The following BAZ2B variants were observed in gnomAD, a reference collection of about 807,000 sequenced individuals.
BAZ2B encodes bromodomain adjacent to zinc finger domain protein 2B.
In BAZ2B, 91 loss-of-function variants were observed where a neutral mutation model predicts 246.0. The observed-to-expected ratio is 0.37, with a 90% confidence interval of 0.31 to 0.44. The LOEUF is 0.44. BAZ2B is among the 20% of genes least tolerant of loss of function. BAZ2B has a pLI of 1.00. For missense variants in BAZ2B, 2,332 were observed against 2,533.7 expected (o/e 0.92, Z 1.71); for synonymous variants, 855 against 860.0 (o/e 0.99, Z 0.10).
At chr2:159,515,413 T>C (rs1559667333) in intron 2 of BAZ2B, among the ~76,000 whole-genome samples, 1 of 152,136 alleles carries the variant, frequency 6.6e-6, no homozygotes, top group Non-Finnish European at 1.5e-5. Flanking sequence ...AATATTATAT[T>C]AAAGATTGAG....
the BAZ2B span, among the ~76,000 whole-genome samples, chr2:159,686,031 G>A: frequency 6.6e-6 from 1 of 152,232 alleles, no homozygotes; most frequent in Admixed American, 6.5e-5. Context: ...GGAGGCTGAG[G>A]CAGGAGGATC....
At chr2:159,322,796 T>C (rs775542835) in intron 36 of BAZ2B, among the ~76,000 whole-genome samples, 3 of 152,194 alleles carry the variant, frequency 2.0e-5, no homozygotes, top group Non-Finnish European at 2.9e-5. Flanking sequence ...TGAGTTTTGG[T>C]TCCAACTCAT....
At chr2:159,316,714 AAAAG>A (rs1558909091), downstream of BAZ2B, among the ~76,000 whole-genome samples, 1 of 149,682 alleles carries the variant, frequency 6.7e-6, no homozygotes, top group Non-Finnish European at 1.5e-5. Flanking sequence ...AAAAAAAAAA[AAAAG>A]AAAGAAAAGA....
chr2:159,622,807 T>C, the BAZ2B span, among the ~76,000 whole-genome samples: 1 of 151,846 alleles, frequency 6.6e-6, no homozygotes, highest in African/African-American at 2.4e-5. Context: ...AAGACCAGCC[T>C]AGGCAACATG....
intron 13 of BAZ2B, among the ~76,000 whole-genome samples, chr2:159,422,667 G>T (rs1283150130): frequency 6.6e-6 from 1 of 151,940 alleles, no homozygotes; most frequent in African/African-American, 2.4e-5. Context: ...CCTTGGCAAA[G>T]AATTTATTAC....
chr2:159,571,891 A>C (rs1684105648), intron 1 of BAZ2B, among the ~76,000 whole-genome samples: 1 of 152,224 alleles, frequency 6.6e-6, no homozygotes, highest in Non-Finnish European at 1.5e-5. Context: ...AGGTAAGTGC[A>C]TTAATCCCTT....
intron 2 of BAZ2B, among the ~76,000 whole-genome samples, chr2:159,486,594 C>CT (rs1178171940): frequency 5.9e-4 from 85 of 143,832 alleles, no homozygotes; most frequent in South Asian, 8.7e-4. Flanking sequence ...TTTTCTTCTT[C>CT]TTTTTTTTTT....
At chr2:159,609,822 TCAC>T (rs1277188750) in intron 1 of BAZ2B, among the ~76,000 whole-genome samples, 1 of 145,938 alleles carries the variant, frequency 6.9e-6, no homozygotes, top group Non-Finnish European at 1.5e-5. Flanking sequence ...AAAAAAAAAA[TCAC>T]CAAGCACAGG....
chr2:159,329,132 A>G (rs1486971143), intron 34 of BAZ2B, among the ~76,000 whole-genome samples: 2 of 145,742 alleles, frequency 1.4e-5, no homozygotes, highest in Non-Finnish European at 3.0e-5. Flanking sequence ...CTCTGTCTTA[A>G]TAGGAAAAAA....
chr2:159,373,902 T>C (rs1332082738), intron 26 of BAZ2B, among the ~76,000 whole-genome samples: 1 of 152,176 alleles, frequency 6.6e-6, no homozygotes, highest in Non-Finnish European at 1.5e-5. Context: ...TACACTCATG[T>C]TGTAAACCTA....
At chr2:159,367,907 A>C (rs73967842) in intron 27 of BAZ2B, among the ~76,000 whole-genome samples, 23,199 of 152,008 alleles carry the variant, frequency 0.15, 2,451 homozygotes, top group African/African-American at 0.31. Flanking sequence ...AGTAATAAAT[A>C]AGATGATGAC....
chr2:159,488,779 G>A (rs1291182938), intron 2 of BAZ2B, among the ~76,000 whole-genome samples: 1 of 152,052 alleles, frequency 6.6e-6, no homozygotes, highest in African/African-American at 2.4e-5. Flanking sequence ...GATCAACAAT[G>A]AAATGAGCTA....
intron 3 of BAZ2B, among the ~76,000 whole-genome samples, chr2:159,472,554 T>A (rs879866971): frequency 6.6e-6 from 1 of 152,244 alleles, no homozygotes; most frequent in Non-Finnish European, 1.5e-5. Flanking sequence ...GGCATCTTTG[T>A]CTTGTGCCGG....
At chr2:159,350,746 T>C (rs2058462644) in intron 27 of BAZ2B, among the ~76,000 whole-genome samples, 1 of 152,176 alleles carries the variant, frequency 6.6e-6, no homozygotes, top group Admixed American at 6.5e-5. Context: ...AATTTTTTTG[T>C]ATTTTTAGTA....
chr2:159,573,136 G>A (rs1684431351), intron 1 of BAZ2B, among the ~76,000 whole-genome samples: 1 of 152,150 alleles, frequency 6.6e-6, no homozygotes, highest in Non-Finnish European at 1.5e-5. Flanking sequence ...AAGTGACCTT[G>A]AAGAAAGTAA....
At position 159,366,884 on chromosome 2, in the gene BAZ2B, C is replaced by T. The variant is rs141660034; in HGVS notation, c.4213+6161G>A. The stretch of plus-strand genomic sequence containing the variant: ...AATTGCTTTCTATTGCAGATGGGGA[C>T]GCATATATCTAGTGAGCCACACCAA... On this transcript the variant is annotated intron_variant, in intron 27 of 36. Transcript: ENST00000392783. Among the ~76,000 whole-genome samples, 1,346 of 152,100 alleles carry T rather than the reference C, an allele frequency of 8.8e-3. 10 individuals are homozygous for T. The highest frequency in any genetic ancestry group is 0.02 in the South Asian group (95 of 4,812).
Position 159,514,923 on chromosome 2 carries a change from A to G in BAZ2B, c.-2-36202T>C, listed in dbSNP as rs1490235156. ...AATACTCACAAACTTAACCTTTAGA[A>G]TCTCCTCAGAATATGCCAGTAATTT... is the stretch of plus-strand genomic sequence containing the variant. On this transcript the variant is annotated intron_variant, in intron 2 of 36. Coordinates refer to ENST00000392783, the MANE Select transcript of BAZ2B (RefSeq NM_013450.4). 2.0e-5 allele frequency among the ~76,000 whole-genome samples: 3 copies of G among 152,128 alleles called. 1 individual carries two copies.
chr2:159,399,794 G>T (rs1436788548), intron 17 of BAZ2B, among the ~76,000 whole-genome samples: 1 of 152,166 alleles, frequency 6.6e-6, no homozygotes, highest in African/African-American at 2.4e-5. Flanking sequence ...CGGAATGGTG[G>T]AGAAGTTGTA....
rs377075268 is a variant in BAZ2B at position 159,517,722 on chromosome 2, C to A, written c.-3+38101G>T. Among the ~76,000 whole-genome samples the A allele has an allele frequency of 3.3e-5, 5 of 152,020 alleles. No homozygotes were observed. In the East Asian group the frequency reaches 5.8e-4, roughly 18 times the overall value. Reference sequence around the variant, plus strand: ...GAATGATAACAAATAACAAAAAGAACACCCAGGAGAGAAGACTGTGCCAAG... The same window carrying A: ...GAATGATAACAAATAACAAAAAGAAAACCCAGGAGAGAAGACTGTGCCAAG... On this transcript the variant is annotated intron_variant, in intron 2 of 36. Coordinates refer to ENST00000392783, the MANE Select transcript of BAZ2B (RefSeq NM_013450.4).
Sources: allele counts gnomAD v4.1 joint callset (sites outside exome capture counted in the v4.1 genomes callset), GRCh38; gene constraint gnomAD v4.1.1; transcripts MANE v1.5; gene names NCBI Gene and HGNC (gene_info 2026-07-23, HGNC 2026-07-21).